Variants in PID1 observed in about 807,000 individuals in gnomAD.
The protein encoded by PID1 is PTB-containing, cubilin and LRP1-interacting protein.
PID1 carries 10 observed loss-of-function variants against 19.1 expected under a neutral mutation model. That is an observed-to-expected ratio of 0.52 (90% confidence interval 0.32 to 0.89). The LOEUF is 0.89. PID1 is among the 40% of genes least tolerant of loss of function. The pLI, the probability that PID1 is intolerant of heterozygous loss-of-function variation, is 0.03. For synonymous variants in PID1, 130 were observed against 116.0 expected, an observed-to-expected ratio of 1.12 and a Z score of -0.78; for missense variants, 248 against 285.3, an observed-to-expected ratio of 0.87 and a Z score of 0.94.
chr2:229,050,017 T>C (rs574302290), intron 2 of PID1, among the ~76,000 whole-genome samples: 1 of 152,322 alleles, frequency 6.6e-6, no homozygotes, highest in East Asian at 1.9e-4. Context: ...TCAAAATTTC[T>C]ATAAACGTTA....
At chr2:229,206,929 C>G (rs114170957) in intron 1 of PID1, among the ~76,000 whole-genome samples, 1 of 152,066 alleles carries the variant, frequency 6.6e-6, no homozygotes, top group African/African-American at 2.4e-5. Context: ...TCTGGGGTGA[C>G]GCTTAATAGC....
intron 1 of PID1, among the ~76,000 whole-genome samples, chr2:229,164,039 G>T (rs952951624): frequency 6.6e-6 from 1 of 152,176 alleles, no homozygotes; most frequent in Non-Finnish European, 1.5e-5. Context: ...ATTCCCTCAT[G>T]GTTAACAATT....
chr2:229,134,217 TG>T (rs1300676498), intron 2 of PID1, among the ~76,000 whole-genome samples: 1 of 145,964 alleles, frequency 6.9e-6, no homozygotes, highest in Non-Finnish European at 1.5e-5. Context: ...TCAATAACAA[TG>T]TTTACTACCT....
intron 2 of PID1, among the ~76,000 whole-genome samples, chr2:229,122,940 C>T (rs746021334): frequency 1.4e-4 from 21 of 152,208 alleles, no homozygotes; most frequent in African/African-American, 2.4e-4. Context: ...CCCTCCCAGG[C>T]GGCATTATGT....
chr2:229,086,577 G>A (rs186556531), intron 2 of PID1, among the ~76,000 whole-genome samples: 85 of 152,282 alleles, frequency 5.6e-4, no homozygotes, highest in African/African-American at 2.0e-3. Context: ...GAAGGAGAGA[G>A]TAAACTTAAA....
chr2:229,236,989 C>CACACACACACACAA (rs1689714891), intron 1 of PID1, among the ~76,000 whole-genome samples: 2 of 89,758 alleles, frequency 2.2e-5, no homozygotes, highest in Non-Finnish European at 4.7e-5. Context: ...CACACACATA[C>CACACACACACACAA]ACACACACAC....
chr2:229,224,150 G>A (rs1392480952), intron 1 of PID1, among the ~76,000 whole-genome samples: 4 of 152,160 alleles, frequency 2.6e-5, no homozygotes, highest in Non-Finnish European at 1.5e-5. Context: ...TCCAAGGTCA[G>A]AATAGCTATT....
chr2:229,218,393 A>G (rs1691895028), intron 1 of PID1, among the ~76,000 whole-genome samples: 2 of 151,212 alleles, frequency 1.3e-5, no homozygotes, highest in Non-Finnish European at 2.9e-5. Context: ...TGCCCATTCA[A>G]CCCCTGTCCA....
At chr2:229,111,898 G>T (rs1196453118) in intron 2 of PID1, among the ~76,000 whole-genome samples, 1 of 152,196 alleles carries the variant, frequency 6.6e-6, no homozygotes, top group Non-Finnish European at 1.5e-5. Flanking sequence ...ATCTCAAAAT[G>T]CCAGAGATAA....
rs1326331426 is a variant in PID1, at chr2:229,024,218, C to T, written c.*1414G>A. On this transcript the variant is annotated 3_prime_UTR_variant, in exon 3 of 3. Coordinates refer to ENST00000392055, the MANE Select transcript of PID1 (RefSeq NM_001100818.2). ...ATGCAGACCGAAATGCTGACACCAT[C>T]GCTCTCTAGATTGGATTAGCTCTCA... 2 of 152,582 alleles carry T rather than the reference C, an allele frequency of 1.3e-5. No individual in the cohort carries two copies. The highest frequency in any genetic ancestry group is 2.9e-5 in the Non-Finnish European group (2 of 68,044). 9.5% of individuals were successfully genotyped at this position (152,582 alleles called of 1,614,324 possible).
chr2:229,207,143 G>A (rs1294911714), intron 1 of PID1, among the ~76,000 whole-genome samples: 7 of 152,014 alleles, frequency 4.6e-5, no homozygotes, highest in African/African-American at 7.3e-5. Context: ...TCATCAATAA[G>A]GATAAAATTT....
chr2:229,049,636 G>A (rs997990637), intron 2 of PID1, among the ~76,000 whole-genome samples: 1 of 105,484 alleles, frequency 9.5e-6, no homozygotes, highest in Non-Finnish European at 1.8e-5. Flanking sequence ...TATAGTATAA[G>A]ATGATATAAG....
rs1694326538 is a variant in PID1 at position 229,066,339 on chromosome 2, A to G, written c.178-40231T>C. Among the ~76,000 whole-genome samples, 3 of 152,194 alleles carry G rather than the reference A, an allele frequency of 2.0e-5. No homozygotes were observed. The South Asian group carries it at 6.2e-4, about 32-fold the overall frequency. Reference sequence around the variant, plus strand: ...GGCAATTCAATACAAATTGCCAAATATGTGACAAGAGGGGAGGTATTTCAG... The same window carrying G: ...GGCAATTCAATACAAATTGCCAAATGTGTGACAAGAGGGGAGGTATTTCAG... On this transcript the variant is annotated intron_variant, in intron 2 of 2. Coordinates refer to ENST00000392055, the MANE Select transcript of PID1 (RefSeq NM_001100818.2).
At chr2:229,211,762 A>G (rs1446943040) in intron 1 of PID1, among the ~76,000 whole-genome samples, 1 of 152,224 alleles carries the variant, frequency 6.6e-6, no homozygotes, top group Non-Finnish European at 1.5e-5. Context: ...AGGTTGTCAG[A>G]AAAGAAAGTT....
intron 2 of PID1, among the ~76,000 whole-genome samples, chr2:229,112,138 T>C (rs981930161): frequency 1.3e-5 from 2 of 152,258 alleles, no homozygotes; most frequent in African/African-American, 2.4e-5. Flanking sequence ...ATTATTTCGA[T>C]GTTAAAACGA....
At chr2:229,133,378 T>C (rs1689784987) in intron 2 of PID1, among the ~76,000 whole-genome samples, 1 of 152,242 alleles carries the variant, frequency 6.6e-6, no homozygotes, top group Admixed American at 6.5e-5. Context: ...CAGAACTCTC[T>C]TCATTCCCTG....
intron 2 of PID1, among the ~76,000 whole-genome samples, chr2:229,070,440 A>G (rs75370672): frequency 0.019 from 2,898 of 152,374 alleles, 32 homozygotes; most frequent in Middle Eastern, 0.051. Context: ...TCATAGAGGA[A>G]GTAAGAATTT....
rs1574700620 is a variant in PID1, at chr2:229,184,206, ATATATATATCCCATATATATATCCCATG to A, written c.31-28270_31-28243del. Among the ~76,000 whole-genome samples, 2 of 19,118 alleles carry A rather than the reference ATATATATATCCCATATATATATCCCATG, an allele frequency of 1.0e-4. 1 individual carries two copies. Among genetic ancestry groups the A allele is most frequent in the Non-Finnish European group, 1.7e-4 (2 of 11,540 alleles). 12.5% of individuals were successfully genotyped at this position (19,118 alleles called of 152,430 possible). ...TGTATATATCCCATATGTATATCCC[ATATATATATCCCATATATATATCCCATG>A]TATATATATCCCATATGTATATATC... On this transcript the variant is annotated intron_variant, in intron 1 of 2. Coordinates refer to ENST00000392055, the MANE Select transcript of PID1 (RefSeq NM_001100818.2).
intron 2 of PID1, among the ~76,000 whole-genome samples, chr2:229,076,860 G>A (rs1041037490): frequency 6.6e-6 from 1 of 152,140 alleles, no homozygotes; most frequent in Non-Finnish European, 1.5e-5. Flanking sequence ...AAACATACGT[G>A]TGCATGTGTC....
Sources: allele counts gnomAD v4.1 joint callset (sites outside exome capture counted in the v4.1 genomes callset), GRCh38; gene constraint gnomAD v4.1.1; transcripts MANE v1.5; gene names NCBI Gene and HGNC (gene_info 2026-07-23, HGNC 2026-07-21).